Variants in CADPS observed in about 807,000 individuals in gnomAD.
CADPS encodes the protein calcium-dependent secretion activator 1.
In CADPS, 57 loss-of-function variants were observed where a neutral mutation model predicts 167.3. The ratio of observed to expected loss-of-function variants is 0.34; its 90% CI spans 0.28 to 0.42. The LOEUF (loss-of-function observed/expected upper bound fraction) is 0.42, where lower values mean the gene tolerates loss of function less well. Ranked by LOEUF, CADPS falls within the 20% of genes least tolerant of loss-of-function variation. The pLI, the probability that CADPS is intolerant of heterozygous loss-of-function variation, is 1.00. For synonymous variants in CADPS, 676 were observed against 635.3 expected (o/e 1.06, Z -0.96); for missense variants, 1,414 against 1,738.1 (o/e 0.81, Z 3.32).
chr3:62,614,873 C>A (rs1234294405), intron 6 of CADPS, among the ~76,000 whole-genome samples: 1 of 152,144 alleles, frequency 6.6e-6, no homozygotes, highest in South Asian at 2.1e-4. Flanking sequence ...CCCTTCTCAG[C>A]CTCTCTTTTC....
At chr3:62,844,727 C>T (rs17358133) in intron 1 of CADPS, among the ~76,000 whole-genome samples, 29,967 of 152,046 alleles carry the variant, frequency 0.2, 3,313 homozygotes, top group Middle Eastern at 0.35. Flanking sequence ...TTGGGAAAAT[C>T]GATTCTTAGT....
At chr3:62,785,812 C>T (rs995202556) in intron 1 of CADPS, among the ~76,000 whole-genome samples, 2 of 151,598 alleles carry the variant, frequency 1.3e-5, no homozygotes, top group African/African-American at 4.8e-5. Context: ...CCTGTGCATA[C>T]TGTGTCTTGA....
chr3:62,546,694 T>C (rs1440194081), intron 11 of CADPS, among the ~76,000 whole-genome samples: 1 of 152,130 alleles, frequency 6.6e-6, no homozygotes, highest in Non-Finnish European at 1.5e-5. Flanking sequence ...TGGTCATTAT[T>C]CCCTGAACAA....
rs1259860250 is a variant in CADPS at position 62,550,033 on chromosome 3, G to A, written c.1836C>T (p.Arg612=). ...GATACATGGCCTGGACCCACAGGAT[G>A]CGGTCTTGTTCATCGTCACTGGCAA... ...VIFASDDEQD[R]ILWVQAMYRA... Residue 612 remains arginine (R), a synonymous_variant, in exon 11 of 30, where the codon CGC becomes CGT. Transcript: ENST00000383710. The A allele has an allele frequency of 6.2e-7, 1 of 1,614,122 alleles. No homozygotes were observed. The highest frequency in any genetic ancestry group is 8.5e-7 in the Non-Finnish European group (1 of 1,179,970).
At chr3:62,426,458 T>G (rs1033898853) in intron 28 of CADPS, among the ~76,000 whole-genome samples, 11 of 152,204 alleles carry the variant, frequency 7.2e-5, no homozygotes, top group South Asian at 2.1e-4. Flanking sequence ...CGTGTGTTGG[T>G]TTTTTACACC....
intron 1 of CADPS, among the ~76,000 whole-genome samples, chr3:62,767,386 C>G (rs1013850461): frequency 1.8e-4 from 27 of 152,150 alleles, no homozygotes; most frequent in Non-Finnish European, 3.1e-4. Flanking sequence ...AGTTTTCTCA[C>G]TTGGAAAATG....
At chr3:62,627,090 ACTC>A (rs1222567519) in intron 6 of CADPS, among the ~76,000 whole-genome samples, 1 of 149,814 alleles carries the variant, frequency 6.7e-6, no homozygotes, top group Non-Finnish European at 1.5e-5. Context: ...TAAGTTCTTA[ACTC>A]CTCTGAATCA....
intron 28 of CADPS, among the ~76,000 whole-genome samples, chr3:62,423,804 A>G (rs1234399238): frequency 6.6e-6 from 1 of 152,202 alleles, no homozygotes; most frequent in Non-Finnish European, 1.5e-5. Context: ...GGAGATCACG[A>G]AGGTTCCTAT....
chr3:62,647,671 AT>A (rs1167764226), intron 5 of CADPS, among the ~76,000 whole-genome samples: 2 of 152,200 alleles, frequency 1.3e-5, no homozygotes, highest in African/African-American at 2.4e-5. Flanking sequence ...ACATTTTTAC[AT>A]TGGGAAGAAC....
intron 4 of CADPS, among the ~76,000 whole-genome samples, chr3:62,653,592 C>A (rs868248697): frequency 3.9e-5 from 6 of 152,266 alleles, no homozygotes; most frequent in Middle Eastern, 3.4e-3. Flanking sequence ...AGGACCATAT[C>A]TATCTTAATA....
At chr3:62,689,870 G>C (rs935511618) in intron 3 of CADPS, among the ~76,000 whole-genome samples, 1 of 151,984 alleles carries the variant, frequency 6.6e-6, no homozygotes, top group East Asian at 1.9e-4. Context: ...GAGAGATGAG[G>C]GGGGGCGGCG....
intron 3 of CADPS, among the ~76,000 whole-genome samples, chr3:62,731,244 G>A (rs1027247800): frequency 7.9e-5 from 12 of 152,170 alleles, no homozygotes; most frequent in Non-Finnish European, 5.9e-5. Flanking sequence ...TTTAGTCAAT[G>A]CCTGGCATGT....
chr3:62,720,871 G>A (rs1353869858), intron 3 of CADPS, among the ~76,000 whole-genome samples: 1 of 146,876 alleles, frequency 6.8e-6, no homozygotes, highest in Non-Finnish European at 1.5e-5. Flanking sequence ...AGACTGGAGT[G>A]CCATGGTGCG....
chr3:62,872,867 A>G (rs1001287064), intron 1 of CADPS, among the ~76,000 whole-genome samples: 1 of 152,206 alleles, frequency 6.6e-6, no homozygotes, highest in Admixed American at 6.5e-5. Flanking sequence ...AAAGGAATGG[A>G]ATATTTTTGG....
At chr3:62,429,970 G>C (rs2053591782) in intron 28 of CADPS, among the ~76,000 whole-genome samples, 1 of 152,166 alleles carries the variant, frequency 6.6e-6, no homozygotes, top group African/African-American at 2.4e-5. Flanking sequence ...CTTTATGTAA[G>C]GTTTGCCTGA....
At chr3:62,736,832 T>G (rs1179130697) in intron 3 of CADPS, among the ~76,000 whole-genome samples, 1 of 152,142 alleles carries the variant, frequency 6.6e-6, no homozygotes, top group Non-Finnish European at 1.5e-5. Context: ...GAACTACAGA[T>G]TTATTAAACT....
intron 2 of CADPS, among the ~76,000 whole-genome samples, chr3:62,756,057 C>CTT (rs59705571): frequency 7.0e-4 from 100 of 142,078 alleles, no homozygotes; most frequent in Middle Eastern, 3.7e-3. Context: ...TTTTCTTTTT[C>CTT]TTTTTTTTTT....
intron 1 of CADPS, among the ~76,000 whole-genome samples, chr3:62,769,226 C>CTTT (rs34651999): frequency 4.8e-5 from 7 of 146,724 alleles, no homozygotes; most frequent in East Asian, 2.0e-4. Context: ...TAATTCTCAT[C>CTTT]TTTTTTTTTT....
chr3:62,858,299 T>C (rs2080092965), intron 1 of CADPS, among the ~76,000 whole-genome samples: 1 of 152,182 alleles, frequency 6.6e-6, no homozygotes, highest in Non-Finnish European at 1.5e-5. Flanking sequence ...AGTCTCCTCA[T>C]GGTTCTAAGA....
Sources: gnomAD v4.1 joint callset for allele counts (sites outside exome capture counted in the v4.1 genomes callset) on GRCh38, gnomAD v4.1.1 for gene constraint, MANE v1.5 for transcripts, NCBI Gene and HGNC (gene_info 2026-07-23, HGNC 2026-07-21) for gene names.